MAGI2: variants seen among roughly 807,000 people sequenced by gnomAD.
MAGI2 encodes the protein membrane associated guanylate kinase, WW and PDZ domain containing 2, also known as membrane-associated guanylate kinase, WW and PDZ domain-containing protein 2.
In MAGI2, 35 loss-of-function variants were observed where a neutral mutation model predicts 133.3. The ratio of observed to expected loss-of-function variants is 0.26; its 90% confidence interval spans 0.20 to 0.35. The LOEUF is 0.35. Among genes scored for constraint, MAGI2 ranks in the 10% least tolerant of loss-of-function variants. The probability of loss-of-function intolerance (pLI) is 1.00; values close to 1 mark genes in which losing one functional copy is unlikely to be tolerated. For synonymous variants in MAGI2, 729 were observed against 710.6 expected (o/e 1.03, Z -0.41); for missense variants, 1,636 against 1,863.4 (o/e 0.88, Z 2.25).
intron 1 of MAGI2, among the ~76,000 whole-genome samples, chr7:79,045,950 C>G (rs933023173): frequency 6.6e-6 from 1 of 152,090 alleles, no homozygotes; most frequent in Non-Finnish European, 1.5e-5. Flanking sequence ...TGACCTTATA[C>G]CAGTGTCAAA....
intron 1 of MAGI2, among the ~76,000 whole-genome samples, chr7:79,433,410 G>A (rs1357256481): frequency 6.6e-6 from 1 of 152,006 alleles, no homozygotes; most frequent in Non-Finnish European, 1.5e-5. Context: ...AAAATTAGCC[G>A]GGCGTGGTGG....
intron 10 of MAGI2, among the ~76,000 whole-genome samples, chr7:78,232,244 T>C (rs760433234): frequency 1.2e-4 from 19 of 152,204 alleles, no homozygotes; most frequent in Non-Finnish European, 2.4e-4. Flanking sequence ...CAATGTAATC[T>C]TGCTTGTATC....
chr7:78,634,864 A>C (rs1035447294), intron 2 of MAGI2, among the ~76,000 whole-genome samples: 4 of 152,156 alleles, frequency 2.6e-5, no homozygotes, highest in African/African-American at 9.6e-5. Flanking sequence ...GACTTTCCTA[A>C]GTGGTGTATA....
At position 78,019,904 on chromosome 7, in the gene MAGI2, T is replaced by C. The variant is rs1808169723; in HGVS notation, c.3779A>G (p.Asp1260Gly). 1 of 1,610,694 alleles carries C rather than the reference T, an allele frequency of 6.2e-7. No homozygotes were observed. Among genetic ancestry groups the C allele is most frequent in the Admixed American group, 1.7e-5 (1 of 59,592 alleles). Reference protein sequence around the residue: ...GLPEVGVSLDDGLAPFSPSHP... With the variant: ...GLPEVGVSLDGGLAPFSPSHP... ...TGATGGAGAGAATGGAGCGAGGCCG[T>C]CGTCCAGGGAGACGCCTACTTCCGG... Residue 1260 changes from aspartate (D) to glycine (G), a missense_variant, in exon 22 of 22, where the codon GAC becomes GGC. Physicochemically the swap from Asp to Gly is moderately conservative, Grantham distance 94. Transcript: ENST00000354212.
chr7:78,646,637 C>T (rs1281881839), intron 2 of MAGI2, among the ~76,000 whole-genome samples: 1 of 152,112 alleles, frequency 6.6e-6, no homozygotes, highest in African/African-American at 2.4e-5. Flanking sequence ...CTATACTTGG[C>T]CTTTATAAAG....
At chr7:79,071,917 G>A (rs571269533) in intron 1 of MAGI2, among the ~76,000 whole-genome samples, 20 of 152,276 alleles carry the variant, frequency 1.3e-4, no homozygotes, top group African/African-American at 4.3e-4. Context: ...GGGACCCACT[G>A]AGCCAGGTAC....
intron 3 of MAGI2, among the ~76,000 whole-genome samples, chr7:78,535,491 T>G (rs542518139): frequency 2.2e-4 from 34 of 152,318 alleles, no homozygotes; most frequent in African/African-American, 7.5e-4. Flanking sequence ...GGTAAAGATG[T>G]TATCTTTGAA....
chr7:78,108,636 CTCTG>C (rs1185036639), intron 20 of MAGI2, among the ~76,000 whole-genome samples: 1 of 100,126 alleles, frequency 1.0e-5, no homozygotes, highest in Non-Finnish European at 2.2e-5. Context: ...CTCTCTCTCT[CTCTG>C]TATGTGTGTG....
intron 2 of MAGI2, among the ~76,000 whole-genome samples, chr7:78,795,982 C>T (rs1368506078): frequency 1.3e-5 from 2 of 152,062 alleles, no homozygotes; most frequent in Non-Finnish European, 2.9e-5. Flanking sequence ...CAAAAATCAA[C>T]TGCAAATGAA....
chr7:78,679,292 T>C (rs1374660185), intron 2 of MAGI2, among the ~76,000 whole-genome samples: 1 of 152,196 alleles, frequency 6.6e-6, no homozygotes, highest in African/African-American at 2.4e-5. Context: ...CATTGTACCA[T>C]AATTGTTTAC....
chr7:78,549,184 A>T lies in MAGI2; in HGVS notation c.539-27539T>A, dbSNP rs546997476. On this transcript the variant is annotated intron_variant, in intron 3 of 21. Coordinates refer to ENST00000354212, the MANE Select transcript of MAGI2 (RefSeq NM_012301.4). Reference sequence around the variant, plus strand: ...GAGAATAAGAAAAGTTGATAGATATAAGTGGGCCTGGAACTATTAGCTAGG... The same window carrying T: ...GAGAATAAGAAAAGTTGATAGATATTAGTGGGCCTGGAACTATTAGCTAGG... Among the ~76,000 whole-genome samples the T allele has an allele frequency of 9.9e-5, 15 of 152,190 alleles. No individual in the cohort carries two copies. The East Asian group carries it at 2.5e-3, about 25-fold the overall frequency.
At chr7:78,162,610 GGA>G (rs1329196173) in intron 15 of MAGI2, among the ~76,000 whole-genome samples, 1 of 151,940 alleles carries the variant, frequency 6.6e-6, no homozygotes, top group Non-Finnish European at 1.5e-5. Context: ...TACAGGTTCT[GGA>G]GAGAGAGAAA....
intron 1 of MAGI2, among the ~76,000 whole-genome samples, chr7:79,316,372 T>C (rs1838722467): frequency 6.6e-6 from 1 of 152,180 alleles, no homozygotes. Flanking sequence ...AAATAGTGCA[T>C]CCTAGTTTAT....
chr7:78,669,932 A>C (rs189025216), intron 2 of MAGI2, among the ~76,000 whole-genome samples: 9,475 of 151,692 alleles, frequency 0.062, 435 homozygotes, highest in East Asian at 0.11. Context: ...CAAAATAATA[A>C]GAGCTATCTA....
chr7:78,312,257 A>G (rs1798773642), intron 9 of MAGI2, among the ~76,000 whole-genome samples: 1 of 152,262 alleles, frequency 6.6e-6, no homozygotes, highest in East Asian at 1.9e-4. Flanking sequence ...ATTAATATAT[A>G]GTAACATTTA....
chr7:78,373,208 G>A (rs1228661637), intron 6 of MAGI2, among the ~76,000 whole-genome samples: 1 of 152,122 alleles, frequency 6.6e-6, no homozygotes, highest in Admixed American at 6.6e-5. Flanking sequence ...CCCTTAGAAA[G>A]GGTCAAGGTC....
intron 1 of MAGI2, chr7:79,008,927 G>A (rs1484017529): frequency 6.6e-6 from 1 of 151,998 alleles, no homozygotes; most frequent in African/African-American, 2.4e-5. Flanking sequence ...CACCTACTGA[G>A]TAAGCATCAT....
At chr7:78,991,180 G>T (rs951001155) in intron 2 of MAGI2, among the ~76,000 whole-genome samples, 6 of 151,780 alleles carry the variant, frequency 4.0e-5, no homozygotes, top group African/African-American at 1.4e-4. Flanking sequence ...CTTCTCCTTT[G>T]CCTTCCACCG....
At chr7:78,967,013 T>C (rs28823739) in intron 2 of MAGI2, among the ~76,000 whole-genome samples, 3,036 of 152,056 alleles carry the variant, frequency 0.02, 65 homozygotes, top group African/African-American at 0.063. Flanking sequence ...GGTACGATCA[T>C]TGCAGGCTTG....
Sources: allele counts gnomAD v4.1 joint callset (sites outside exome capture counted in the v4.1 genomes callset), GRCh38; gene constraint gnomAD v4.1.1; transcripts MANE v1.5; gene names NCBI Gene and HGNC (gene_info 2026-07-23, HGNC 2026-07-21).